The following PTGFRN variants were observed in gnomAD, a reference collection of about 807,000 sequenced individuals.
PTGFRN encodes prostaglandin F2 receptor negative regulator.
Under a neutral mutation model 83.2 loss-of-function variants are expected in PTGFRN, and 35 were observed. The observed-to-expected ratio is 0.42, with a 90% CI of 0.32 to 0.56. The LOEUF is 0.56. Among genes scored for constraint, PTGFRN ranks in the 20% least tolerant of loss-of-function variants. The pLI, the probability that PTGFRN is intolerant of heterozygous loss-of-function variation, is 0.11. For synonymous variants in PTGFRN, 519 were observed against 498.6 expected, an observed-to-expected ratio of 1.04 and a Z score of -0.55; for missense variants, 1,051 against 1,179.5, an observed-to-expected ratio of 0.89 and a Z score of 1.60.
chr1:116,957,894 A>G lies in PTGFRN; in HGVS notation c.1214-3349A>G, dbSNP rs774196998. Among the ~76,000 whole-genome samples the G allele has an allele frequency of 2.0e-4, 30 of 151,254 alleles. No homozygotes were observed. The South Asian group carries it at 2.3e-3, about 12-fold the overall frequency. On this transcript the variant is annotated intron_variant, in intron 4 of 8. Transcript: ENST00000393203. ...TGTCTTTCTGTGCCTGGCTTATTTCACTTAACACTGTCCTCCAGGTTCATC... is the reference window on the plus strand; with the variant it reads ...TGTCTTTCTGTGCCTGGCTTATTTCGCTTAACACTGTCCTCCAGGTTCATC...
chr1:116,973,239 G>A (rs576974516), intron 6 of PTGFRN, among the ~76,000 whole-genome samples: 2 of 152,208 alleles, frequency 1.3e-5, no homozygotes, highest in South Asian at 2.1e-4. Flanking sequence ...TTTTAGAGCA[G>A]TTTTAGGTTC....
chr1:116,988,058 A>C lies in PTGFRN; in HGVS notation c.*1091A>C, dbSNP rs1651560924. 1.3e-5 allele frequency: 2 copies of C among 152,190 alleles called. No individual in the cohort carries two copies. The highest frequency in any genetic ancestry group is 4.1e-4 in the South Asian group (2 of 4,824). 9.4% of individuals were successfully genotyped at this position (152,190 alleles called of 1,614,324 possible). Reference sequence around the variant, plus strand: ...TCCTTCACACGTGCTTGGGCTCCTTAACCTGAAGGCAAATTGCTACTTGCA... The same window carrying C: ...TCCTTCACACGTGCTTGGGCTCCTTCACCTGAAGGCAAATTGCTACTTGCA... On this transcript the variant is annotated 3_prime_UTR_variant, in exon 9 of 9. Transcript: ENST00000393203.
chr1:116,969,715 C>CAGT (rs1359010371), intron 6 of PTGFRN, among the ~76,000 whole-genome samples: 1 of 152,162 alleles, frequency 6.6e-6, no homozygotes, highest in African/African-American at 2.4e-5. Flanking sequence ...TACTGTTTTT[C>CAGT]AGTTCATAAA....
intron 8 of PTGFRN, among the ~76,000 whole-genome samples, chr1:116,985,504 C>T (rs1192858332): frequency 6.6e-6 from 1 of 151,992 alleles, no homozygotes; most frequent in Admixed American, 6.5e-5. Context: ...CGAGACCTGC[C>T]TGGCCAACAT....
chr1:116,978,472 A>G (rs1651221375), intron 7 of PTGFRN, among the ~76,000 whole-genome samples: 1 of 152,244 alleles, frequency 6.6e-6, no homozygotes, highest in South Asian at 2.1e-4. Context: ...AAAAATCCTC[A>G]ATAAAATACT....
rs990151291 is a variant in PTGFRN at position 116,986,796 on chromosome 1, C to G, written c.2474-5C>G. The G allele has an allele frequency of 6.2e-7, 1 of 1,613,716 alleles. No homozygotes were observed. Among genetic ancestry groups the G allele is most frequent in the Non-Finnish European group, 8.5e-7 (1 of 1,179,906 alleles). On this transcript the variant is annotated splice_region_variant and splice_polypyrimidine_tract_variant and intron_variant, in intron 8 of 8. Transcript: ENST00000393203. Reference sequence around the variant, plus strand: ...CTGGCTTCCCCTTTGATCTCTCCCTCCCAGTGCTGAACGCCTTCAAGTATC... The same window carrying G: ...CTGGCTTCCCCTTTGATCTCTCCCTGCCAGTGCTGAACGCCTTCAAGTATC...
chr1:116,986,717 C>T, intron 8 of PTGFRN, 84 bp from the exon 9 acceptor site: 2 of 1,366,668 alleles, frequency 1.5e-6, no homozygotes, highest in South Asian at 1.2e-5. Context: ...GATCCTGCTC[C>T]AGTGGGGAAG....
At position 116,949,388 on chromosome 1, in the gene PTGFRN, G is replaced by A. The variant is rs1415973274; in HGVS notation, c.1029G>A (p.Ser343=). ...ACCGTGATTCCCTGGTGCACAGCTC[G>A]CCTCATGTTGCTTTGAGTCATGTGG... The part of the protein sequence containing the change: ...RLDRDSLVHS[S]PHVALSHVDA... Residue 343 remains serine (S), a synonymous_variant, in exon 4 of 9, where the codon TCG becomes TCA. Transcript: ENST00000393203. 6.8e-6 allele frequency: 11 copies of A among 1,614,124 alleles called. No homozygotes were observed. The highest frequency in any genetic ancestry group is 3.3e-5 in the Admixed American group (2 of 60,012).
chr1:116,920,216 A>G (rs1478194781), intron 1 of PTGFRN, among the ~76,000 whole-genome samples: 2 of 152,360 alleles, frequency 1.3e-5, no homozygotes, highest in Non-Finnish European at 2.9e-5. Context: ...CTGCACACTA[A>G]GGATCTTTCC....
At chr1:116,937,242 C>T (rs565620742) in intron 1 of PTGFRN, among the ~76,000 whole-genome samples, 43 of 152,278 alleles carry the variant, frequency 2.8e-4, no homozygotes, top group Middle Eastern at 3.4e-3. Flanking sequence ...GAAACAAAAA[C>T]GGCCAGGTCC....
intron 4 of PTGFRN, among the ~76,000 whole-genome samples, chr1:116,950,414 T>G (rs1174210993): frequency 2.0e-5 from 3 of 148,496 alleles, no homozygotes; most frequent in African/African-American, 4.9e-5. Context: ...GGACAGGCCT[T>G]TCATCACATT....
In PTGFRN at chr1:116,984,719, C is replaced by G; in HGVS notation, c.2207C>G (p.Ser736Cys). The change falls in exon 8 of 9, where the codon TCT (serine) becomes TGT (cysteine). Residue 736 changes from serine (S) to cysteine (C), a missense_variant. By Grantham distance (112) the Ser-to-Cys change is moderately radical. Transcript: ENST00000393203. ...GATGTGTCCTGGTTTGCGGTGCACT[C>G]TTTTGGCCTGGACAAGGCTCCTGTG... The part of the protein sequence containing the change: ...AFDVSWFAVH[S>C]FGLDKAPVLL... 1 of 1,614,172 alleles carries G rather than the reference C, an allele frequency of 6.2e-7. No individual in the cohort carries two copies. The highest frequency in any genetic ancestry group is 1.3e-5 in the African/African-American group (1 of 75,042).
At position 116,952,537 on chromosome 1, in the gene PTGFRN, A is replaced by G. The variant is rs755198722; in HGVS notation, c.1213+2965A>G. On this transcript the variant is annotated intron_variant, in intron 4 of 8. Transcript: ENST00000393203. This position sits in a 1 kb window ranked among gnomAD's most constrained non-coding sequence, Gnocchi z 4.0. ...AAGCAGGAGACATAAAATCAAGATC[A>G]AAAGGGTAAAAGAAGAATAGATATT... Among the ~76,000 whole-genome samples the G allele has an allele frequency of 1.3e-5, 2 of 152,228 alleles. No homozygotes were observed. Among genetic ancestry groups the G allele is most frequent in the Admixed American group, 6.5e-5 (1 of 15,290 alleles).
Position 116,978,979 on chromosome 1 carries a change from G to A in PTGFRN, c.2167+4656G>A, listed in dbSNP as rs1456416020. Reference sequence around the variant, plus strand: ...GATTGTATATTTAGAAAACCCCATCGTCTCAGCCCAAAATCTTAAGCTGAT... The same window carrying A: ...GATTGTATATTTAGAAAACCCCATCATCTCAGCCCAAAATCTTAAGCTGAT... On this transcript the variant is annotated intron_variant, in intron 7 of 8. Transcript: ENST00000393203. 4.6e-5 allele frequency among the ~76,000 whole-genome samples: 7 copies of A among 152,274 alleles called. No individual in the cohort carries two copies. In the East Asian group the frequency reaches 5.8e-4, roughly 13 times the overall value.
At chr1:116,975,132 A>C (rs1651109968) in intron 7 of PTGFRN, among the ~76,000 whole-genome samples, 1 of 152,188 alleles carries the variant, frequency 6.6e-6, no homozygotes, top group African/African-American at 2.4e-5. Context: ...CATTGCTAGC[A>C]CGGCAGTCTG....
chr1:116,940,181 A>C (rs6700697), intron 1 of PTGFRN, among the ~76,000 whole-genome samples: 2,315 of 152,352 alleles, frequency 0.015, 61 homozygotes, highest in African/African-American at 0.053. Context: ...TTAAACAGAC[A>C]TTTATTGCCT....
At chr1:116,949,860 C>G (rs1650297281) in intron 4 of PTGFRN, among the ~76,000 whole-genome samples, 2 of 152,294 alleles carry the variant, frequency 1.3e-5, no homozygotes, top group South Asian at 2.1e-4. Flanking sequence ...TGCTGAATGG[C>G]TCTTTGAAAT....
chr1:116,966,950 T>C lies in PTGFRN; in HGVS notation c.1679T>C (p.Phe560Ser), dbSNP rs1244015115. ...GTGAAGGCGAGGCAGCCAAAGCCTT[T>C]CTTTGCTGCCGGAAATACATTTGAG... The part of the protein sequence containing the change: ...LVVKARQPKP[F>S]FAAGNTFEMT... Residue 560 changes from phenylalanine (F) to serine (S), a missense_variant, in exon 6 of 9, where the codon TTC (phenylalanine) becomes TCC (serine). This residue lies in a region of PTGFRN where 719 missense variants were observed against 836.6 expected (regional missense o/e 0.86). Transcript: ENST00000393203. 2.5e-6 allele frequency: 4 copies of C among 1,610,342 alleles called. No individual in the cohort carries two copies. Among genetic ancestry groups the C allele is most frequent in the African/African-American group, 1.3e-5 (1 of 74,998 alleles).
intron 1 of PTGFRN, among the ~76,000 whole-genome samples, chr1:116,925,038 A>G (rs1198459611): frequency 6.6e-6 from 1 of 152,014 alleles, no homozygotes; most frequent in African/African-American, 2.4e-5. Flanking sequence ...AGCAAGCTGG[A>G]CTCATTTGAA....
Sources: allele counts gnomAD v4.1 joint callset (sites outside exome capture counted in the v4.1 genomes callset), GRCh38; gene constraint gnomAD v4.1.1; regional missense constraint gnomAD v4.1.1; non-coding constraint Gnocchi (gnomAD v3.1); transcripts MANE v1.5; gene names NCBI Gene and HGNC (gene_info 2026-07-23, HGNC 2026-07-21).